LRRTM3: variants seen among roughly 807,000 people sequenced by gnomAD.
LRRTM3 encodes the protein leucine-rich repeat transmembrane neuronal protein 3.
Under a neutral mutation model 44.7 loss-of-function variants are expected in LRRTM3, and 24 were observed. That is an observed-to-expected ratio of 0.54 (90% CI 0.39 to 0.76). LRRTM3 has a LOEUF of 0.76. Among genes scored for constraint, LRRTM3 ranks in the 30% least tolerant of loss-of-function variants. The pLI, the probability that LRRTM3 is intolerant of heterozygous loss-of-function variation, is 0.00. For synonymous variants in LRRTM3, 277 were observed against 278.7 expected, an observed-to-expected ratio of 0.99 and a Z score of 0.06; for missense variants, 587 against 702.2, an observed-to-expected ratio of 0.84 and a Z score of 1.85.
At chr10:67,017,714 A>G (rs1852740906) in intron 2 of LRRTM3, among the ~76,000 whole-genome samples, 1 of 148,608 alleles carries the variant, frequency 6.7e-6, no homozygotes, top group Non-Finnish European at 1.5e-5. Flanking sequence ...ATGTGATGTC[A>G]CAAAAATCAT....
chr10:67,046,800 C>T (rs1008068954), intron 2 of LRRTM3, among the ~76,000 whole-genome samples: 1 of 152,042 alleles, frequency 6.6e-6, no homozygotes, highest in Non-Finnish European at 1.5e-5. Flanking sequence ...GATATCTTGC[C>T]CTGAATGCAT....
At chr10:66,953,031 C>T (rs1005222998) in intron 2 of LRRTM3, among the ~76,000 whole-genome samples, 6 of 152,066 alleles carry the variant, frequency 3.9e-5, no homozygotes, top group African/African-American at 1.2e-4. Context: ...TTACCTTCCA[C>T]TGAAGAAAAC....
At chr10:66,973,215 AT>A (rs1245689023) in intron 2 of LRRTM3, among the ~76,000 whole-genome samples, 1 of 152,210 alleles carries the variant, frequency 6.6e-6, no homozygotes, top group Non-Finnish European at 1.5e-5. Flanking sequence ...AATATCAAAA[AT>A]GTCAGTTTCC....
Position 66,927,384 on chromosome 10 carries a change from G to A in LRRTM3, c.468G>A (p.Leu156=), listed in dbSNP as rs199858566. Residue 156 remains leucine (L), a synonymous_variant, in exon 2 of 3, where the codon TTG becomes TTA. Transcript: ENST00000361320. This position sits in a 1 kb window ranked among gnomAD's most constrained non-coding sequence, Gnocchi z 4.7. ...TGGGATCTGAACAGTTTCGGGGCTT[G>A]CGGAAGCTGCTGAGTTTACATTTAC... ...HSLGSEQFRG[L]RKLLSLHLRS... is the part of the protein sequence containing the mutation. 41 of 1,614,022 alleles carry A rather than the reference G, an allele frequency of 2.5e-5. No individual in the cohort carries two copies. The highest frequency in any genetic ancestry group is 3.4e-5 in the Non-Finnish European group (40 of 1,180,040).
At chr10:67,024,934 C>CT (rs1473758526) in intron 2 of LRRTM3, among the ~76,000 whole-genome samples, 1 of 151,834 alleles carries the variant, frequency 6.6e-6, no homozygotes, top group Non-Finnish European at 1.5e-5. Context: ...AGTTTGAGAC[C>CT]AGCCTGACCA....
chr10:66,932,827 A>G (rs1286245092), intron 2 of LRRTM3, among the ~76,000 whole-genome samples: 1 of 152,196 alleles, frequency 6.6e-6, no homozygotes, highest in African/African-American at 2.4e-5. Context: ...ACTACCAATA[A>G]AATCTAAATA....
At chr10:67,030,084 G>A (rs117576874) in intron 2 of LRRTM3, among the ~76,000 whole-genome samples, 8,311 of 152,214 alleles carry the variant, frequency 0.055, 325 homozygotes, top group South Asian at 0.18. Flanking sequence ...CATATAGAAG[G>A]TGTATTTTAA....
intron 2 of LRRTM3, among the ~76,000 whole-genome samples, chr10:66,943,182 T>C (rs1848102931): frequency 6.6e-6 from 1 of 152,182 alleles, no homozygotes; most frequent in Admixed American, 6.5e-5. Flanking sequence ...TTAAAGACTT[T>C]GAAAAGAGCA....
chr10:66,930,446 C>T (rs1260142932), intron 2 of LRRTM3, among the ~76,000 whole-genome samples: 1 of 152,048 alleles, frequency 6.6e-6, no homozygotes, highest in African/African-American at 2.4e-5. Context: ...AATACATATT[C>T]CATCTTAAAA....
chr10:66,975,803 A>G (rs1000760308), intron 2 of LRRTM3, among the ~76,000 whole-genome samples: 21 of 152,152 alleles, frequency 1.4e-4, no homozygotes, highest in African/African-American at 5.1e-4. Context: ...TTTCTAAGTT[A>G]ACACATGATA....
intron 2 of LRRTM3, among the ~76,000 whole-genome samples, chr10:67,092,978 A>G (rs1857746287): frequency 6.7e-6 from 1 of 149,770 alleles, no homozygotes; most frequent in African/African-American, 2.5e-5. Context: ...AATGCTTTCT[A>G]GAGAGTAAGT....
chr10:67,022,542 T>C (rs1342673066), intron 2 of LRRTM3, among the ~76,000 whole-genome samples: 3 of 152,176 alleles, frequency 2.0e-5, no homozygotes, highest in African/African-American at 4.8e-5. Flanking sequence ...ATTTTAACTA[T>C]GCCTTCAAAA....
In LRRTM3 at chr10:67,063,718, G is replaced by A. The variant is rs189669791; in HGVS notation, c.1537-33869G>A. Among the ~76,000 whole-genome samples, 31 of 152,352 alleles carry A rather than the reference G, an allele frequency of 2.0e-4. No homozygotes were observed. In the East Asian group the frequency reaches 5.2e-3, roughly 26 times the overall value. ...CACAGATAATTGGCATGAGCCAAAT[G>A]AGGGTTACTTGTACTCTATATAAAC... On this transcript the variant is annotated intron_variant, in intron 2 of 2. Coordinates refer to ENST00000361320, the MANE Select transcript of LRRTM3 (RefSeq NM_178011.5).
intron 2 of LRRTM3, among the ~76,000 whole-genome samples, chr10:66,985,646 A>G (rs1850685474): frequency 1.3e-5 from 2 of 152,116 alleles, no homozygotes; most frequent in Non-Finnish European, 2.9e-5. Context: ...GAGACCAGGA[A>G]GGGCAGGTGG....
In LRRTM3 at chr10:67,064,280, G is replaced by A. The variant is rs1054784699; in HGVS notation, c.1537-33307G>A. ...TTACTGAGTCTGCTGTGTGTCTGAAGCTACACTATGTATTAGCATTCTTGT... is the reference window on the plus strand; with the variant it reads ...TTACTGAGTCTGCTGTGTGTCTGAAACTACACTATGTATTAGCATTCTTGT... On this transcript the variant is annotated intron_variant, in intron 2 of 2. Transcript: ENST00000361320. Among the ~76,000 whole-genome samples, 14 of 152,148 alleles carry A rather than the reference G, an allele frequency of 9.2e-5. No homozygotes were observed. The South Asian group carries it at 2.9e-3, about 32-fold the overall frequency.
chr10:67,075,635 G>A (rs757402570), intron 2 of LRRTM3, among the ~76,000 whole-genome samples: 2 of 152,182 alleles, frequency 1.3e-5, no homozygotes, highest in Non-Finnish European at 2.9e-5. Flanking sequence ...CTACCACTAG[G>A]AGGAAAAGGA....
At position 67,034,051 on chromosome 10, in the gene LRRTM3, C is replaced by T. The variant is rs562999241; in HGVS notation, c.1537-63536C>T. On this transcript the variant is annotated intron_variant, in intron 2 of 2. Transcript: ENST00000361320. The stretch of plus-strand genomic sequence containing the variant: ...CCTTCCAACGTGCTGAGACTACAGG[C>T]GTGAGCCACCGCGCCCGGCCTATAC... Among the ~76,000 whole-genome samples, 15 of 152,292 alleles carry T rather than the reference C, an allele frequency of 9.8e-5. No homozygotes were observed. In the South Asian group the frequency reaches 1.4e-3, roughly 15 times the overall value.
chr10:67,002,256 A>T (rs1339871614), intron 2 of LRRTM3, among the ~76,000 whole-genome samples: 1 of 152,128 alleles, frequency 6.6e-6, no homozygotes, highest in East Asian at 1.9e-4. Flanking sequence ...ATAATATTCT[A>T]CTTATATATC....
chr10:66,926,768 A>G (rs1341913031), intron 1 of LRRTM3, among the ~76,000 whole-genome samples, 153 bp from the exon 2 acceptor site: 1 of 152,220 alleles, frequency 6.6e-6, no homozygotes, highest in African/African-American at 2.4e-5. Flanking sequence ...AACACTAAAG[A>G]CAATTCTCTT....
Sources: allele counts gnomAD v4.1 joint callset (sites outside exome capture counted in the v4.1 genomes callset), GRCh38; gene constraint gnomAD v4.1.1; non-coding constraint Gnocchi (gnomAD v3.1); transcripts MANE v1.5; gene names NCBI Gene and HGNC (gene_info 2026-07-23, HGNC 2026-07-21).